SLC60A1: variants seen among roughly 807,000 people sequenced by gnomAD.
SLC60A1 encodes the protein major facilitator superfamily domain containing 4.
At chr1:205,597,783 G>A in the SLC60A1 span, 4 of 1,613,922 alleles carry the variant, frequency 2.5e-6, no homozygotes, top group South Asian at 1.1e-5. Context: ...TTGTTAGGCT[G>A]TGCAACCACA....
chr1:205,588,668 C>T, the SLC60A1 span, among the ~76,000 whole-genome samples: 5 of 152,172 alleles, frequency 3.3e-5, 1 homozygote, highest in South Asian at 1.0e-3. Context: ...TGTGAAGTGC[C>T]TGTGTCATAT....
At chr1:205,575,727 C>G in the SLC60A1 span, among the ~76,000 whole-genome samples, 2 of 152,292 alleles carry the variant, frequency 1.3e-5, no homozygotes, top group African/African-American at 4.8e-5. Context: ...CCTCTTCCCT[C>G]TCCCACTTAG....
the SLC60A1 span, among the ~76,000 whole-genome samples, chr1:205,597,374 T>TTTTTTTTTG: frequency 9.9e-5 from 2 of 20,300 alleles, no homozygotes; most frequent in Non-Finnish European, 1.0e-4. Flanking sequence ...ACCTAGGTTG[T>TTTTTTTTTG]TTTTTTTTTT....
the SLC60A1 span, chr1:205,592,359 C>G: frequency 7.4e-7 from 1 of 1,348,368 alleles, no homozygotes; most frequent in East Asian, 2.7e-5. Flanking sequence ...TGCCCTGTCT[C>G]TCTGTGCTCT....
the SLC60A1 span, chr1:205,569,223 C>A: frequency 6.4e-7 from 1 of 1,563,956 alleles, no homozygotes. Flanking sequence ...CTCGCTGCCC[C>A]AGATCTCCTG....
At chr1:205,600,357 C>T in the SLC60A1 span, 1 of 1,570,134 alleles carries the variant, frequency 6.4e-7, no homozygotes, top group Non-Finnish European at 8.8e-7. Flanking sequence ...ATCACTGCAA[C>T]TCATCAGAGC....
chr1:205,577,953 C>A, the SLC60A1 span, among the ~76,000 whole-genome samples: 1 of 152,206 alleles, frequency 6.6e-6, no homozygotes, highest in African/African-American at 2.4e-5. This position sits in a 1 kb window ranked among gnomAD's most constrained non-coding sequence, Gnocchi z 5.2. Flanking sequence ...TGTCAGCAGA[C>A]CGTAGTACTC....
chr1:205,584,980 G>A, the SLC60A1 span: 2 of 1,613,780 alleles, frequency 1.2e-6, no homozygotes, highest in South Asian at 1.1e-5. Flanking sequence ...GTTCATGACG[G>A]ATGGGTTGAC....
the SLC60A1 span, among the ~76,000 whole-genome samples, chr1:205,588,438 C>T: frequency 1.3e-3 from 168 of 130,364 alleles, no homozygotes; most frequent in Non-Finnish European, 2.2e-3. Context: ...CCACTGCCCT[C>T]CAGCCTGAGA....
the SLC60A1 span, chr1:205,599,061 C>A: frequency 6.3e-7 from 1 of 1,586,802 alleles, no homozygotes; most frequent in Non-Finnish European, 8.6e-7. Context: ...ATGGAGAAGG[C>A]TGCTTCCTCC....
At chr1:205,591,135 G>A in the SLC60A1 span, among the ~76,000 whole-genome samples, 1 of 152,118 alleles carries the variant, frequency 6.6e-6, no homozygotes, top group Non-Finnish European at 1.5e-5. Flanking sequence ...AAAGAACTTA[G>A]AAATATGGTT....
chr1:205,586,054 G>T, the SLC60A1 span: 1 of 1,606,224 alleles, frequency 6.2e-7, no homozygotes, highest in Non-Finnish European at 8.5e-7. Context: ...CCGCCTTCGT[G>T]TACAGCTATG....
chr1:205,595,995 G>A, the SLC60A1 span, among the ~76,000 whole-genome samples: 1 of 152,148 alleles, frequency 6.6e-6, no homozygotes, highest in Admixed American at 6.5e-5. Context: ...AAGCAGAGAG[G>A]AAAATGGAAA....
the SLC60A1 span, among the ~76,000 whole-genome samples, chr1:205,573,529 A>G: frequency 6.6e-6 from 1 of 151,440 alleles, no homozygotes; most frequent in Non-Finnish European, 1.5e-5. Context: ...GGAAAACATT[A>G]TGCTAAGTGA....
At chr1:205,592,297 G>T in the SLC60A1 span, 2 of 1,603,468 alleles carry the variant, frequency 1.2e-6, no homozygotes. Flanking sequence ...GGTGAGGGCC[G>T]GGCCCGAGCC....
At chr1:205,592,308 A>G in the SLC60A1 span, 2 of 1,599,134 alleles carry the variant, frequency 1.3e-6, no homozygotes, top group Non-Finnish European at 1.7e-6. Flanking sequence ...GGCCCGAGCC[A>G]GGAGGCGCGC....
the SLC60A1 span, chr1:205,579,810 C>T: frequency 6.2e-7 from 1 of 1,614,182 alleles, no homozygotes; most frequent in Non-Finnish European, 8.5e-7. Flanking sequence ...CTGGTGTTTG[C>T]CGTCATCCCC....
At chr1:205,578,286 C>G in the SLC60A1 span, among the ~76,000 whole-genome samples, 1 of 152,120 alleles carries the variant, frequency 6.6e-6, no homozygotes. Flanking sequence ...AGGAGGCTGC[C>G]TAGTCTGTCT....
At chr1:205,590,887 GC>G in the SLC60A1 span, among the ~76,000 whole-genome samples, 1 of 152,034 alleles carries the variant, frequency 6.6e-6, no homozygotes, top group African/African-American at 2.4e-5. Flanking sequence ...AGTTTACAGA[GC>G]CCCTTCATCT....
Sources: gnomAD v4.1 joint callset for allele counts (sites outside exome capture counted in the v4.1 genomes callset) on GRCh38, gnomAD v4.1.1 for gene constraint, Gnocchi (gnomAD v3.1) non-coding constraint, MANE v1.5 for transcripts, NCBI Gene and HGNC (gene_info 2026-07-23, HGNC 2026-07-21) for gene names.